Variants in RBM20 observed in about 807,000 individuals in gnomAD.
RBM20 encodes the protein RNA binding motif protein 20, also known as RNA-binding protein 20.
RBM20 carries 51 observed loss-of-function variants against 110.1 expected under a neutral mutation model. The ratio of observed to expected loss-of-function variants is 0.46; its 90% confidence interval spans 0.37 to 0.59. The LOEUF is 0.59. RBM20 is among the 20% of genes least tolerant of loss of function. The pLI is 0.00. For synonymous variants in RBM20, 589 were observed against 618.2 expected, an observed-to-expected ratio of 0.95 and a Z score of 0.70; for missense variants, 1,512 against 1,574.9, an observed-to-expected ratio of 0.96 and a Z score of 0.68.
intron 5 of RBM20, among the ~76,000 whole-genome samples, chr10:110,795,193 G>T (rs558188923): frequency 1.3e-5 from 2 of 152,360 alleles, no homozygotes; most frequent in East Asian, 3.9e-4. Context: ...GCTCAGCTGT[G>T]TCTGCATCTT....
At chr10:110,814,727 C>T (rs188133075) in intron 9 of RBM20, among the ~76,000 whole-genome samples, 1 of 152,282 alleles carries the variant, frequency 6.6e-6, no homozygotes, top group African/African-American at 2.4e-5. Context: ...AACTGCTGAC[C>T]TCGTGATCCT....
At chr10:110,700,246 G>T (rs1862737777) in intron 1 of RBM20, among the ~76,000 whole-genome samples, 1 of 152,048 alleles carries the variant, frequency 6.6e-6, no homozygotes, top group Admixed American at 6.5e-5. Context: ...TTGAGCCTTT[G>T]GCATGAACAC....
intron 12 of RBM20, among the ~76,000 whole-genome samples, chr10:110,824,131 T>G (rs1844952818): frequency 6.6e-6 from 1 of 152,192 alleles, no homozygotes; most frequent in South Asian, 2.1e-4. Flanking sequence ...AGATACTCCG[T>G]GAAAACAGCC....
At chr10:110,765,875 G>T (rs2135010951) in intron 1 of RBM20, among the ~76,000 whole-genome samples, 1 of 152,236 alleles carries the variant, frequency 6.6e-6, no homozygotes, top group South Asian at 2.1e-4. Flanking sequence ...TCAGAAAACT[G>T]AAGGGGAGAG....
At chr10:110,666,185 T>A (rs1352215713) in intron 1 of RBM20, among the ~76,000 whole-genome samples, 1 of 152,164 alleles carries the variant, frequency 6.6e-6, no homozygotes, top group Non-Finnish European at 1.5e-5. Context: ...GGGTGGTGAG[T>A]ACATGGAAAT....
chr10:110,835,414 CA>C (rs956806715), intron 13 of RBM20: 1 of 149,566 alleles, frequency 6.7e-6, no homozygotes, highest in Non-Finnish European at 1.5e-5. Flanking sequence ...CGGTTCACAG[CA>C]ACCTCCGCCT....
At position 110,836,360 on chromosome 10, in the gene RBM20, G is replaced by A. The variant is rs959499560; in HGVS notation, c.*382G>A. The A allele has an allele frequency of 6.3e-6, 1 of 158,118 alleles. No homozygotes were observed. Among genetic ancestry groups the A allele is most frequent in the African/African-American group, 2.4e-5 (1 of 41,552 alleles). The allele number at this position is 158,118 out of a possible 1,614,324, so 9.8% of individuals were successfully genotyped here. On this transcript the variant is annotated 3_prime_UTR_variant, in exon 14 of 14. Coordinates refer to ENST00000369519, the MANE Select transcript of RBM20 (RefSeq NM_001134363.3). ...TTCACAGTGTTTAAATTCTTGGTAG[G>A]ATATAACAGGTCAGGCCTAGCTGAG...
At chr10:110,643,981 G>A (rs529726873), upstream of RBM20, among the ~76,000 whole-genome samples, 1 of 152,190 alleles carries the variant, frequency 6.6e-6, no homozygotes, top group Non-Finnish European at 1.5e-5. Context: ...GGGACAGCCG[G>A]AGGACTCAGG....
chr10:110,778,405 C>G (rs1207132890), intron 1 of RBM20, among the ~76,000 whole-genome samples: 2 of 152,210 alleles, frequency 1.3e-5, no homozygotes, highest in African/African-American at 4.8e-5. Flanking sequence ...TGGGAACTCC[C>G]TTCCAACAAG....
Position 110,723,507 on chromosome 10 carries a change from T to C in RBM20, c.192-57294T>C, listed in dbSNP as rs79591147. ...ACATTTTGAGGAGCATCCAAACTGT[T>C]TTCCAACGTGGCTACACCATTTTAC... On this transcript the variant is annotated intron_variant, in intron 1 of 13. Transcript: ENST00000369519. 1.5e-3 allele frequency among the ~76,000 whole-genome samples: 235 copies of C among 152,342 alleles called. 4 individuals are homozygous for C. The East Asian group carries it at 0.041, about 27-fold the overall frequency.
chr10:110,732,750 T>C (rs972584436), intron 1 of RBM20, among the ~76,000 whole-genome samples: 1 of 152,136 alleles, frequency 6.6e-6, no homozygotes, highest in Non-Finnish European at 1.5e-5. Flanking sequence ...TGAAATCATG[T>C]CAAGGGTGAG....
intron 1 of RBM20, among the ~76,000 whole-genome samples, chr10:110,670,155 ATC>A (rs1023843261): frequency 3.3e-5 from 5 of 152,054 alleles, no homozygotes; most frequent in Non-Finnish European, 5.9e-5. Flanking sequence ...AAGTGGTATC[ATC>A]TCTCTTTGCA....
intron 5 of RBM20, among the ~76,000 whole-genome samples, chr10:110,790,738 A>G (rs74158133): frequency 0.025 from 3,873 of 152,284 alleles, 152 homozygotes; most frequent in African/African-American, 0.089. Flanking sequence ...CAGAACGTAA[A>G]TAGTTCCTAT....
intron 1 of RBM20, among the ~76,000 whole-genome samples, chr10:110,688,870 AT>A (rs900862336): frequency 6.6e-6 from 1 of 151,130 alleles, no homozygotes; most frequent in African/African-American, 2.4e-5. Context: ...CCAACATGGC[AT>A]TTAGTTATCA....
chr10:110,713,161 G>A (rs541292523), intron 1 of RBM20, among the ~76,000 whole-genome samples: 10 of 152,270 alleles, frequency 6.6e-5, no homozygotes, highest in African/African-American at 2.4e-4. Flanking sequence ...CTTGACTAAC[G>A]GGGCAGATGC....
chr10:110,708,340 T>G (rs1056346563), intron 1 of RBM20, among the ~76,000 whole-genome samples: 8 of 152,236 alleles, frequency 5.3e-5, no homozygotes, highest in African/African-American at 1.9e-4. Context: ...AATCCTAATC[T>G]TAACTAACGT....
At chr10:110,772,488 TG>T (rs1844206430) in intron 1 of RBM20, among the ~76,000 whole-genome samples, 1 of 152,238 alleles carries the variant, frequency 6.6e-6, no homozygotes, top group African/African-American at 2.4e-5. Flanking sequence ...GCATTTTTAC[TG>T]TACTTGTCTA....
intron 1 of RBM20, among the ~76,000 whole-genome samples, chr10:110,779,938 T>A (rs1844315455): frequency 6.6e-6 from 1 of 152,218 alleles, no homozygotes; most frequent in Non-Finnish European, 1.5e-5. Flanking sequence ...AAGCCTGCCT[T>A]TTTCACTTAA....
At chr10:110,737,355 A>G (rs1483183275) in intron 1 of RBM20, among the ~76,000 whole-genome samples, 3 of 152,074 alleles carry the variant, frequency 2.0e-5, no homozygotes, top group Non-Finnish European at 4.4e-5. Context: ...CAGAACTTTG[A>G]GCAATAAATT....
Sources: allele counts gnomAD v4.1 joint callset (sites outside exome capture counted in the v4.1 genomes callset), GRCh38; gene constraint gnomAD v4.1.1; transcripts MANE v1.5; gene names NCBI Gene and HGNC (gene_info 2026-07-23, HGNC 2026-07-21).